The following GRHL2 variants were observed in gnomAD, a reference collection of about 807,000 sequenced individuals.
GRHL2 encodes the protein grainyhead like transcription factor 2.
GRHL2 carries 21 observed loss-of-function variants against 83.8 expected under a neutral mutation model. The observed-to-expected ratio is 0.25, with a 90% CI of 0.18 to 0.36. GRHL2 has a LOEUF of 0.36. GRHL2 is among the 10% of genes least tolerant of loss of function. GRHL2 has a pLI of 1.00. For synonymous variants in GRHL2, 280 were observed against 278.9 expected, an observed-to-expected ratio of 1.00 and a Z score of -0.04; for missense variants, 623 against 781.8, an observed-to-expected ratio of 0.80 and a Z score of 2.42.
chr8:101,524,149 C>A (rs1810753442), intron 1 of GRHL2, among the ~76,000 whole-genome samples: 1 of 152,144 alleles, frequency 6.6e-6, no homozygotes, highest in Non-Finnish European at 1.5e-5. Context: ...GAAATGTTCC[C>A]ATTTTGTCTG....
At chr8:101,627,330 T>G (rs1813100046) in intron 9 of GRHL2, among the ~76,000 whole-genome samples, 1 of 152,080 alleles carries the variant, frequency 6.6e-6, no homozygotes, top group Non-Finnish European at 1.5e-5. Context: ...AACATTTTCA[T>G]TATTATTATA....
At chr8:101,542,904 C>T (rs1230711355) in intron 1 of GRHL2, 1 of 456,690 alleles carries the variant, frequency 2.2e-6, no homozygotes, top group Non-Finnish European at 4.4e-6. Context: ...CTAAACACCT[C>T]TTAAAGATGA....
chr8:101,608,577 A>C (rs764090669), intron 8 of GRHL2, among the ~76,000 whole-genome samples: 2 of 145,872 alleles, frequency 1.4e-5, no homozygotes, highest in Non-Finnish European at 3.0e-5. Context: ...AAGAGGTCTG[A>C]AGAGAGAGGC....
chr8:101,643,089 C>T (rs1405375278), intron 12 of GRHL2, among the ~76,000 whole-genome samples: 2 of 152,086 alleles, frequency 1.3e-5, no homozygotes, highest in African/African-American at 4.8e-5. Flanking sequence ...TCCCTGGAGG[C>T]TTGGCCCTTA....
chr8:101,628,087 G>A (rs962847903), intron 9 of GRHL2, among the ~76,000 whole-genome samples: 1 of 152,184 alleles, frequency 6.6e-6, no homozygotes, highest in South Asian at 2.1e-4. Flanking sequence ...CATTGATGAA[G>A]GTGGCTATAC....
the GRHL2 span, among the ~76,000 whole-genome samples, chr8:101,675,413 T>C: frequency 1.6e-3 from 241 of 151,952 alleles, no homozygotes; most frequent in Non-Finnish European, 2.4e-3. Flanking sequence ...TATACACCAA[T>C]AACAGACAAA....
chr8:101,541,224 A>G (rs1252735506), intron 1 of GRHL2, among the ~76,000 whole-genome samples: 1 of 150,228 alleles, frequency 6.7e-6, no homozygotes, highest in Non-Finnish European at 1.5e-5. Context: ...TCATAGATTG[A>G]TGGGTACATA....
At chr8:101,494,643 A>T (rs905741956) in intron 1 of GRHL2, among the ~76,000 whole-genome samples, 1 of 152,336 alleles carries the variant, frequency 6.6e-6, no homozygotes, top group East Asian at 1.9e-4. Context: ...AATTTAATTA[A>T]TCGCGCAATT....
At chr8:101,565,941 C>T (rs752714758) in intron 4 of GRHL2, among the ~76,000 whole-genome samples, 17 of 152,150 alleles carry the variant, frequency 1.1e-4, no homozygotes, top group African/African-American at 3.1e-4. Context: ...GATGTATGAT[C>T]ATTAGTCCAT....
intron 7 of GRHL2, 62 bp from the exon 8 acceptor site, chr8:101,598,995 C>A: frequency 9.0e-7 from 1 of 1,106,344 alleles, no homozygotes; most frequent in Non-Finnish European, 1.4e-6. Flanking sequence ...AATGATGGTT[C>A]AGTACATGTC....
chr8:101,513,510 T>TTTTTTTTTTTTTGG (rs55792824), intron 1 of GRHL2, among the ~76,000 whole-genome samples: 7 of 147,192 alleles, frequency 4.8e-5, no homozygotes, highest in East Asian at 2.0e-4. Flanking sequence ...CTTTTTTTTT[T>TTTTTTTTTTTTTGG]GGAGATGGAG....
chr8:101,671,033 G>A (rs977090443), downstream of GRHL2, among the ~76,000 whole-genome samples: 2 of 152,166 alleles, frequency 1.3e-5, no homozygotes, highest in Non-Finnish European at 2.9e-5. Flanking sequence ...AAGGCACCAA[G>A]GGGGGTGGAG....
chr8:101,632,130 C>T (rs1389544620), intron 10 of GRHL2, 96 bp from the exon 11 acceptor site: 3 of 1,331,362 alleles, frequency 2.3e-6, no homozygotes. Context: ...ATTCAGAAAG[C>T]TTCATATGAG....
At chr8:101,558,376 A>G (rs1315238658) in intron 3 of GRHL2, 43 bp from the exon 4 acceptor site, 2 of 1,611,780 alleles carry the variant, frequency 1.2e-6, no homozygotes, top group East Asian at 4.5e-5. Flanking sequence ...CCGAATGGTG[A>G]TTTTTCTAAT....
At chr8:101,515,122 A>AT (rs1810544868) in intron 1 of GRHL2, among the ~76,000 whole-genome samples, 1 of 149,662 alleles carries the variant, frequency 6.7e-6, no homozygotes, top group African/African-American at 2.5e-5. Context: ...GTCTTGAAGT[A>AT]GGAAAGAGAG....
intron 1 of GRHL2, among the ~76,000 whole-genome samples, chr8:101,525,045 C>A (rs1181082809): frequency 6.6e-6 from 1 of 152,028 alleles, no homozygotes; most frequent in Non-Finnish European, 1.5e-5. Context: ...CAGGTTCAAG[C>A]GATTCTCCTG....
chr8:101,579,967 A>G (rs958125240), intron 7 of GRHL2, among the ~76,000 whole-genome samples: 1 of 152,220 alleles, frequency 6.6e-6, no homozygotes, highest in African/African-American at 2.4e-5. Context: ...AAAATAAAAA[A>G]GTATCCTGAA....
At chr8:101,553,369 A>T (rs1586088302) in intron 3 of GRHL2, among the ~76,000 whole-genome samples, 1 of 152,348 alleles carries the variant, frequency 6.6e-6, no homozygotes, top group East Asian at 1.9e-4. Context: ...GGGGCAAAAA[A>T]ATCAAAAGCA....
intron 7 of GRHL2, among the ~76,000 whole-genome samples, chr8:101,585,437 G>A (rs1812144487): frequency 2.6e-5 from 4 of 152,148 alleles, no homozygotes; most frequent in African/African-American, 7.2e-5. Flanking sequence ...CAAAATCCAA[G>A]GGCTGGTGAG....
Sources: gnomAD v4.1 joint callset for allele counts (sites outside exome capture counted in the v4.1 genomes callset) on GRCh38, gnomAD v4.1.1 for gene constraint, MANE v1.5 for transcripts, NCBI Gene and HGNC (gene_info 2026-07-23, HGNC 2026-07-21) for gene names.